Variants in C5orf63 observed in about 807,000 individuals in gnomAD.
C5orf63 encodes chromosome 5 open reading frame 63.
Under a neutral mutation model 13.3 loss-of-function variants are expected in C5orf63, and 18 were observed. The ratio of observed to expected loss-of-function variants is 1.36; its 90% CI spans 0.94 to 2.01. The LOEUF is 2.01. Ranked by LOEUF, C5orf63 falls within the 30% of genes most tolerant of loss-of-function variation. C5orf63 has a pLI of 0.00. For missense variants in C5orf63, 118 were observed against 127.7 expected, an observed-to-expected ratio of 0.92 and a Z score of 0.36; for synonymous variants, 38 against 44.7, an observed-to-expected ratio of 0.85 and a Z score of 0.60.
intron 2 of C5orf63, among the ~76,000 whole-genome samples, chr5:127,065,393 A>G (rs572466947): frequency 1.3e-5 from 2 of 152,356 alleles, no homozygotes; most frequent in Admixed American, 1.3e-4. Context: ...AGAGTACTAT[A>G]GGCTAAAATT....
chr5:127,070,512 G>A (rs926695821), intron 2 of C5orf63, among the ~76,000 whole-genome samples: 1 of 152,190 alleles, frequency 6.6e-6, no homozygotes, highest in African/African-American at 2.4e-5. Context: ...AACACAAAAA[G>A]CTGTCAACTT....
At chr5:127,052,559 T>C in intron 4 of C5orf63, 54 bp downstream of exon 4, 1 of 1,224,364 alleles carries the variant, frequency 8.2e-7, no homozygotes, top group South Asian at 1.9e-5. Context: ...AGATACTTTA[T>C]ACCACATCTA....
At position 127,058,925 on chromosome 5, in the gene C5orf63, G is replaced by A. The variant is rs912034273; in HGVS notation, c.71C>T (p.Ser24Phe). ...SSFGLFLRNC[S>F]ASKTTLPVLT... is the part of the protein sequence containing the mutation. ...CACAGGCAGAGTTGTCTTAGAGGCA[G>A]AGCAATTTCTCAAGAAGAGTCCAAA... Residue 24 changes from serine (S) to phenylalanine (F), a missense_variant, in exon 3 of 5, where the codon TCT becomes TTT. Transcript: ENST00000296662. 6.5e-7 allele frequency: 1 copy of A among 1,537,100 alleles called. No individual in the cohort carries two copies. The highest frequency in any genetic ancestry group is 1.2e-5 in the South Asian group (1 of 84,064).
chr5:127,053,664 A>ATGAG (rs1753772406), intron 3 of C5orf63, among the ~76,000 whole-genome samples: 2 of 152,086 alleles, frequency 1.3e-5, no homozygotes, highest in South Asian at 4.1e-4. Context: ...ATTCCCACCT[A>ATGAG]TGAGTGAGAA....
rs145648292 is a variant in C5orf63 at position 127,073,401 on chromosome 5, G to A, written c.-110+50C>T. The A allele has an allele frequency of 8.1e-3, 1,227 of 152,420 alleles. 11 individuals carry two copies. In the Middle Eastern group the frequency reaches 0.091, roughly 11 times the overall value. 9.4% of individuals were successfully genotyped at this position (152,420 alleles called of 1,614,324 possible). ...CCGCCAGCCTGCGCGTCAGCTCAGA[G>A]GCGGAGACCCGCGAGCGCTCACCCT... On this transcript the variant is annotated intron_variant, in intron 1 of 4. Coordinates refer to ENST00000296662, the MANE Select transcript of C5orf63 (RefSeq NM_001164478.2).
intron 4 of C5orf63, 55 bp downstream of exon 4, chr5:127,052,558 A>C: frequency 1.1e-5 from 14 of 1,222,426 alleles, no homozygotes; most frequent in Non-Finnish European, 1.4e-5. Flanking sequence ...CAGATACTTT[A>C]TACCACATCT....
At chr5:127,051,289 G>A (rs184088025), downstream of C5orf63, 11 of 1,225,304 alleles carry the variant, frequency 9.0e-6, 1 homozygote, top group East Asian at 2.8e-4. Flanking sequence ...CCACTGAATA[G>A]GCTTCATGCA....
intron 3 of C5orf63, among the ~76,000 whole-genome samples, chr5:127,055,509 A>C (rs1753848188): frequency 1.3e-5 from 2 of 152,168 alleles, no homozygotes; most frequent in Admixed American, 1.3e-4. Flanking sequence ...CTATTATGTA[A>C]AAGAGAGGGC....
At chr5:127,049,711 A>C (rs1753610862), downstream of C5orf63, among the ~76,000 whole-genome samples, 1 of 152,252 alleles carries the variant, frequency 6.6e-6, no homozygotes, top group Non-Finnish European at 1.5e-5. Context: ...TCATACATTT[A>C]GCAGTTTAAA....
downstream of C5orf63, among the ~76,000 whole-genome samples, chr5:127,048,246 G>GACACACACACACAC (rs71822352): frequency 1.1e-4 from 15 of 134,780 alleles, no homozygotes; most frequent in African/African-American, 3.1e-4. Context: ...GGTCCATGAG[G>GACACACACACACAC]ACACACACAC....
chr5:127,072,538 G>A (rs773287152), intron 1 of C5orf63, among the ~76,000 whole-genome samples: 2 of 152,152 alleles, frequency 1.3e-5, no homozygotes, highest in Non-Finnish European at 2.9e-5. Flanking sequence ...ACTAATTCTG[G>A]GAAATGCGCT....
downstream of C5orf63, chr5:127,044,916 G>A (rs1377869613): frequency 1.3e-5 from 2 of 152,092 alleles, no homozygotes; most frequent in Non-Finnish European, 1.5e-5. Flanking sequence ...GTGCCCGGCC[G>A]GCTACCTCAT....
chr5:127,045,677 T>A (rs1753506892), exon 5 of C5orf63: 1 of 152,216 alleles, frequency 6.6e-6, no homozygotes, highest in Non-Finnish European at 1.5e-5. Flanking sequence ...AAATCTGATG[T>A]CTTCTGTTCA....
chr5:127,044,332 T>G (rs1204651698), downstream of C5orf63: 5 of 152,104 alleles, frequency 3.3e-5, no homozygotes, highest in Non-Finnish European at 7.3e-5. Flanking sequence ...CTCTTTTGTA[T>G]GACATTAATA....
Position 127,052,604 on chromosome 5 carries a change from TTA to T in C5orf63, c.171+7_171+8del. 1 of 1,483,066 alleles carries T rather than the reference TTA, an allele frequency of 6.7e-7. No individual in the cohort carries two copies. Among genetic ancestry groups the T allele is most frequent in the African/African-American group, 1.4e-5 (1 of 70,494 alleles). The allele number at this position is 1,483,066 out of a possible 1,614,324, so 91.9% of individuals were successfully genotyped here. A position where few individuals can be genotyped will look rare whatever the true frequency, so the allele number is the denominator to read the frequency against. On this transcript the variant is annotated splice_region_variant and intron_variant, in intron 4 of 4. Transcript: ENST00000296662. The stretch of plus-strand genomic sequence containing the variant: ...CCATATACATAAAAGCCACACTGTA[TTA>T]TATTACCCTGTTTTCATAAGGCTTG...
At chr5:127,072,131 C>G (rs1754567350) in intron 1 of C5orf63, 1 of 152,194 alleles carries the variant, frequency 6.6e-6, no homozygotes. Context: ...TCTGAGGATC[C>G]TGCCTGTTTA....
At chr5:127,059,050 T>C (rs1370223644) in intron 2 of C5orf63, 48 bp from the exon 3 acceptor site, 37 of 1,069,658 alleles carry the variant, frequency 3.5e-5, no homozygotes, top group Non-Finnish European at 2.8e-5. Context: ...CTAGACTTTG[T>C]TCCTTACAAT....
rs1211417615 is a variant in C5orf63 at position 127,051,948 on chromosome 5, C to T, written c.172-1G>A. ...TGATGTTCACCTCCTGTAAAATGAA[C>T]TGAAACAGAGACAGACTAAAGCTCT... On this transcript the variant is annotated splice_acceptor_variant, in intron 4 of 4. Transcript: ENST00000296662. LOFTEE classifies it high-confidence loss of function. 12 of 1,498,128 alleles carry T rather than the reference C, an allele frequency of 8.0e-6. No individual in the cohort carries two copies. Among genetic ancestry groups the T allele is most frequent in the Non-Finnish European group, 1.1e-5 (12 of 1,128,260 alleles). The allele number at this position is 1,498,128 out of a possible 1,614,324, so 92.8% of individuals were successfully genotyped here. A position where few individuals can be genotyped will look rare whatever the true frequency, so the allele number is the denominator to read the frequency against.
At chr5:127,047,436 A>C, downstream of C5orf63, 19 of 404,960 alleles carry the variant, frequency 4.7e-5, no homozygotes, top group East Asian at 4.3e-5. Context: ...GTTTGTAGGT[A>C]TCTACCTTTC....
Sources: gnomAD v4.1 joint callset for allele counts (sites outside exome capture counted in the v4.1 genomes callset) on GRCh38, gnomAD v4.1.1 for gene constraint, MANE v1.5 for transcripts, NCBI Gene and HGNC (gene_info 2026-07-23, HGNC 2026-07-21) for gene names.